The following LHFPL5 variants were observed in gnomAD, a reference collection of about 807,000 sequenced individuals.
LHFPL5 encodes the protein LHFPL tetraspan subfamily member 5 protein.
Under a neutral mutation model 18.7 loss-of-function variants are expected in LHFPL5, and 12 were observed. The ratio of observed to expected loss-of-function variants is 0.64; its 90% CI spans 0.41 to 1.04. The LOEUF (loss-of-function observed/expected upper bound fraction) is 1.04. LHFPL5 is among the 50% of genes least tolerant of loss of function. The pLI is 0.00. For missense variants in LHFPL5, 259 were observed against 292.1 expected (o/e 0.89, Z 0.83); for synonymous variants, 111 against 120.2 (o/e 0.92, Z 0.50).
In LHFPL5 at chr6:35,814,852, G is replaced by T; in HGVS notation, c.649+70G>T. 1 of 1,386,264 alleles carries T rather than the reference G, an allele frequency of 7.2e-7. No homozygotes were observed. 85.9% of individuals were successfully genotyped at this position (1,386,264 alleles called of 1,614,324 possible). A position where few individuals can be genotyped will look rare whatever the true frequency, so the allele number is the denominator to read the frequency against. Reference sequence around the variant, plus strand: ...GGGATGTGGGTGGGGGTTCATCTTAGCCAGTCCTCTAAGGCTTGGTCCCTG... The same window carrying T: ...GGGATGTGGGTGGGGGTTCATCTTATCCAGTCCTCTAAGGCTTGGTCCCTG... On this transcript the variant is annotated intron_variant, in intron 2 of 3. Coordinates refer to ENST00000360215, the MANE Select transcript of LHFPL5 (RefSeq NM_182548.4). The surrounding 1 kb of genome is among the most constrained non-coding windows in gnomAD (Gnocchi z 4.2).
intron 2 of LHFPL5, among the ~76,000 whole-genome samples, chr6:35,817,882 T>A (rs967586656): frequency 1.3e-5 from 2 of 152,186 alleles, no homozygotes; most frequent in Non-Finnish European, 2.9e-5. Flanking sequence ...AAAACAAATG[T>A]TCACACAAAA....
chr6:35,806,093 A>T lies in LHFPL5; in HGVS notation c.412+11A>T, dbSNP rs927826911. The stretch of plus-strand genomic sequence containing the variant: ...TGCAGCTGGCTGCGGGTAAGCAGAG[A>T]TGGTGGGAGGGCAGGCAGGGGCCCA... On this transcript the variant is annotated intron_variant, in intron 1 of 3. Coordinates refer to ENST00000360215, the MANE Select transcript of LHFPL5 (RefSeq NM_182548.4). 5.0e-6 allele frequency: 8 copies of T among 1,613,172 alleles called. No homozygotes were observed. The highest frequency in any genetic ancestry group is 6.8e-6 in the Non-Finnish European group (8 of 1,179,900).
rs1561957827 is a variant in LHFPL5, at chr6:35,823,432, C to CAT, written c.*468_*469insTA. On this transcript the variant is annotated 3_prime_UTR_variant, in exon 4 of 4. Transcript: ENST00000360215. The stretch of plus-strand genomic sequence containing the variant: ...ACACACACACACACACACATACATA[C>CAT]ACACACACATATATATACACACACA... 2 of 119,906 alleles carry CAT rather than the reference C, an allele frequency of 1.7e-5. No individual in the cohort carries two copies. The highest frequency in any genetic ancestry group is 8.3e-5 in the Admixed American group (1 of 12,004). The allele number at this position is 119,906 out of a possible 1,614,324, so 7.4% of individuals were successfully genotyped here.
intron 1 of LHFPL5, among the ~76,000 whole-genome samples, chr6:35,808,198 C>T (rs1475221732): frequency 6.6e-6 from 1 of 151,682 alleles, no homozygotes; most frequent in African/African-American, 2.4e-5. Context: ...TGCCTGTAGT[C>T]CTAGCACTTT....
intron 2 of LHFPL5, among the ~76,000 whole-genome samples, chr6:35,816,310 C>T (rs1768758669): frequency 7.2e-6 from 1 of 138,808 alleles, no homozygotes; most frequent in African/African-American, 2.7e-5. Context: ...CGCGCCACTG[C>T]ACTCCAGCCT....
At chr6:35,812,338 G>A (rs1214537046) in intron 1 of LHFPL5, among the ~76,000 whole-genome samples, 1 of 152,142 alleles carries the variant, frequency 6.6e-6, no homozygotes, top group African/African-American at 2.4e-5. Flanking sequence ...CCTGAGTAGG[G>A]TACAACCTTG....
intron 1 of LHFPL5, among the ~76,000 whole-genome samples, chr6:35,810,197 GC>G (rs1554146922): frequency 2.0e-5 from 3 of 152,072 alleles, no homozygotes; most frequent in Non-Finnish European, 1.5e-5. Context: ...TTCGTGGAGG[GC>G]CCTACCCTCA....
intron 1 of LHFPL5, among the ~76,000 whole-genome samples, chr6:35,806,500 T>C (rs1166591398): frequency 6.6e-6 from 1 of 152,084 alleles, no homozygotes; most frequent in Non-Finnish European, 1.5e-5. Context: ...TAGCACAAAG[T>C]AGTGACACCA....
Position 35,805,448 on chromosome 6 carries a change from G to A in LHFPL5, c.-223G>A. On this transcript the variant is annotated 5_prime_UTR_variant, in exon 1 of 4. Coordinates refer to ENST00000360215, the MANE Select transcript of LHFPL5 (RefSeq NM_182548.4). This position sits in a 1 kb window ranked among gnomAD's most constrained non-coding sequence, Gnocchi z 4.3. ...AGGCAGGAGACTGGAGACAGCCTCG[G>A]CTAGAGCGGACACAGGCACCTGGCA... 1 of 579,590 alleles carries A rather than the reference G, an allele frequency of 1.7e-6. No individual in the cohort carries two copies. Among genetic ancestry groups the A allele is most frequent in the East Asian group, 2.9e-5 (1 of 34,446 alleles). 35.9% of individuals were successfully genotyped at this position (579,590 alleles called of 1,614,324 possible).
At chr6:35,808,413 C>T (rs1018801304) in intron 1 of LHFPL5, among the ~76,000 whole-genome samples, 257 of 145,886 alleles carry the variant, frequency 1.8e-3, no homozygotes, top group Non-Finnish European at 3.4e-3. Flanking sequence ...TTTGGGAGGG[C>T]GAGGTGGGCA....
chr6:35,808,631 G>C (rs1452989598), intron 1 of LHFPL5, among the ~76,000 whole-genome samples: 1 of 134,424 alleles, frequency 7.4e-6, no homozygotes, highest in African/African-American at 2.7e-5. Context: ...TGAAGATTTA[G>C]TAGTTTTATG....
chr6:35,819,920 CT>C (rs1768835333), intron 3 of LHFPL5: 1 of 199,338 alleles, frequency 5.0e-6, no homozygotes, highest in African/African-American at 2.3e-5. Context: ...CTCAGGTGAT[CT>C]GCCTGCCCCT....
intron 2 of LHFPL5, among the ~76,000 whole-genome samples, chr6:35,816,033 C>T (rs1419680595): frequency 2.6e-5 from 4 of 151,842 alleles, no homozygotes; most frequent in Non-Finnish European, 5.9e-5. Context: ...TAGCCGGGTG[C>T]GGTGGCGGGC....
At chr6:35,818,345 ATATGTATTTTTTT>A (rs1485514552) in intron 2 of LHFPL5, among the ~76,000 whole-genome samples, 8 of 5,266 alleles carry the variant, frequency 1.5e-3, no homozygotes, top group Non-Finnish European at 2.0e-3. Context: ...ATATATATAT[ATATGTATTTTTTT>A]TTTTTTTTTT....
At chr6:35,815,849 G>A (rs1486204688) in intron 2 of LHFPL5, among the ~76,000 whole-genome samples, 1 of 152,178 alleles carries the variant, frequency 6.6e-6, no homozygotes, top group Non-Finnish European at 1.5e-5. Flanking sequence ...TTGGGGGTGA[G>A]AGAAGGATAA....
At position 35,816,327 on chromosome 6, in the gene LHFPL5, C is replaced by G. The variant is rs560096198; in HGVS notation, c.649+1545C>G. Reference sequence around the variant, plus strand: ...CGCCACTGCACTCCAGCCTGGACGACAGAGCGAGACTCCGTCTCAAAAAAA... The same window carrying G: ...CGCCACTGCACTCCAGCCTGGACGAGAGAGCGAGACTCCGTCTCAAAAAAA... On this transcript the variant is annotated intron_variant, in intron 2 of 3. Transcript: ENST00000360215. Among the ~76,000 whole-genome samples the G allele has an allele frequency of 1.7e-3, 207 of 122,394 alleles. 3 individuals carry two copies. The highest frequency in any genetic ancestry group is 6.2e-3 in the African/African-American group (191 of 31,004). 80.3% of individuals were successfully genotyped at this position (122,394 alleles called of 152,430 possible).
chr6:35,814,042 C>T lies in LHFPL5; in HGVS notation c.413-504C>T, dbSNP rs564005185. Among the ~76,000 whole-genome samples, 3 of 152,260 alleles carry T rather than the reference C, an allele frequency of 2.0e-5. No homozygotes were observed. The South Asian group carries it at 6.2e-4, about 32-fold the overall frequency. On this transcript the variant is annotated intron_variant, in intron 1 of 3. Coordinates refer to ENST00000360215, the MANE Select transcript of LHFPL5 (RefSeq NM_182548.4). This position sits in a 1 kb window ranked among gnomAD's most constrained non-coding sequence, Gnocchi z 4.2. The stretch of plus-strand genomic sequence containing the variant: ...AAACTCCCAACCTCAGGTGATCTGC[C>T]CGCCTCGACCTCCCAAAGTGCTGGG...
Position 35,805,363 on chromosome 6 carries a change from T to G in LHFPL5, c.-308T>G. 2.7e-6 allele frequency: 1 copy of G among 366,334 alleles called. No individual in the cohort carries two copies. Among genetic ancestry groups the G allele is most frequent in the Non-Finnish European group, 5.0e-6 (1 of 199,702 alleles). 22.7% of individuals were successfully genotyped at this position (366,334 alleles called of 1,614,324 possible). A position where few individuals can be genotyped will look rare whatever the true frequency, so the allele number is the denominator to read the frequency against. ...GAGGGGGCGGGGCTCTCGGGAGCCGTGAGCCGGGAAGAGGGAGACGGGCAG... is the reference window on the plus strand; with the variant it reads ...GAGGGGGCGGGGCTCTCGGGAGCCGGGAGCCGGGAAGAGGGAGACGGGCAG... On this transcript the variant is annotated 5_prime_UTR_variant, in exon 1 of 4. Transcript: ENST00000360215. The surrounding 1 kb of genome is among the most constrained non-coding windows in gnomAD (Gnocchi z 4.3).
chr6:35,820,936 C>G (rs546639705), intron 3 of LHFPL5, among the ~76,000 whole-genome samples: 1 of 152,224 alleles, frequency 6.6e-6, no homozygotes, highest in East Asian at 1.9e-4. Flanking sequence ...AAAATTGTCA[C>G]CTCCACCTCC....
Sources: gnomAD v4.1 joint callset for allele counts (sites outside exome capture counted in the v4.1 genomes callset) on GRCh38, gnomAD v4.1.1 for gene constraint, Gnocchi (gnomAD v3.1) non-coding constraint, MANE v1.5 for transcripts, NCBI Gene and HGNC (gene_info 2026-07-23, HGNC 2026-07-21) for gene names.